B3GNT3: variants seen among roughly 807,000 people sequenced by gnomAD.
The protein encoded by B3GNT3 is N-acetyllactosaminide beta-1,3-N-acetylglucosaminyltransferase 3.
B3GNT3 carries 7 observed loss-of-function variants against 11.6 expected under a neutral mutation model. The ratio of observed to expected loss-of-function variants is 0.60; its 90% CI spans 0.34 to 1.13. The LOEUF is 1.13. B3GNT3 is among the 50% of genes most tolerant of loss of function. B3GNT3 has a pLI of 0.03. For missense variants in B3GNT3, 400 were observed against 507.4 expected (o/e 0.79, Z 2.03); for synonymous variants, 201 against 222.1 (o/e 0.90, Z 0.85).
intron 1 of B3GNT3, among the ~76,000 whole-genome samples, chr19:17,799,781 GGTATC>G (rs58149457): frequency 0.62 from 90,409 of 145,116 alleles, 28,174 homozygotes; most frequent in African/African-American, 0.78. Flanking sequence ...GCTGGTTAGG[GGTATC>G]CAGGCCGGTT....
intron 1 of B3GNT3, among the ~76,000 whole-genome samples, chr19:17,807,074 G>C (rs1050905873): frequency 9.4e-5 from 14 of 149,006 alleles, no homozygotes; most frequent in Non-Finnish European, 1.9e-4. Flanking sequence ...CAGCTAATAT[G>C]CATCAAGCCC....
At chr19:17,799,508 T>G (rs924891584) in intron 1 of B3GNT3, among the ~76,000 whole-genome samples, 2 of 151,910 alleles carry the variant, frequency 1.3e-5, no homozygotes, top group Non-Finnish European at 2.9e-5. Flanking sequence ...GACCTCATGA[T>G]TCGCCCGCCT....
At chr19:17,809,567 C>T (rs1158107806) in intron 2 of B3GNT3, among the ~76,000 whole-genome samples, 2 of 151,770 alleles carry the variant, frequency 1.3e-5, no homozygotes, top group African/African-American at 2.4e-5. Context: ...CTGCCTCAGC[C>T]TCCTGAGTAG....
chr19:17,809,453 A>AT (rs58212084), intron 2 of B3GNT3, among the ~76,000 whole-genome samples: 1,589 of 145,728 alleles, frequency 0.011, 76 homozygotes, highest in Admixed American at 0.082. Context: ...TTTTTAATTA[A>AT]TTTTTTTTTT....
At position 17,807,961 on chromosome 19, in the gene B3GNT3, CCA is replaced by C; in HGVS notation, c.156_157del (p.Pro53HisfsTer49). 6.2e-7 allele frequency: 1 copy of C among 1,611,402 alleles called. No individual in the cohort carries two copies. Among genetic ancestry groups the C allele is most frequent in the Non-Finnish European group, 8.5e-7 (1 of 1,178,662 alleles). On this transcript the variant is annotated frameshift_variant, in exon 2 of 3. Coordinates refer to ENST00000318683, the MANE Select transcript of B3GNT3 (RefSeq NM_014256.4). LOFTEE classifies it high-confidence loss of function. The part of the protein sequence containing the change: ...AIPEALAWPT[P>X]PTRPAPAPCH... ...CCCCGAGGCCCTGGCCTGGCCCACTCCACCCACCCGCCCAGCCCCGGCCCCGT... is the reference window on the plus strand; with the variant it reads ...CCCCGAGGCCCTGGCCTGGCCCACTCCCCACCCGCCCAGCCCCGGCCCCGT...
Position 17,807,967 on chromosome 19 carries a change from A to ACCCCC in B3GNT3, c.163_164insCCCCC (p.Arg55ProfsTer60). On this transcript the variant is annotated frameshift_variant, in exon 2 of 3. Coordinates refer to ENST00000318683, the MANE Select transcript of B3GNT3 (RefSeq NM_014256.4). LOFTEE classifies it high-confidence loss of function. Reference sequence around the variant, plus strand: ...GGCCCTGGCCTGGCCCACTCCACCCACCCGCCCAGCCCCGGCCCCGTGCCA... The same window carrying ACCCCC: ...GGCCCTGGCCTGGCCCACTCCACCCACCCCCCCCGCCCAGCCCCGGCCCCGTGCCA... The ACCCCC allele has an allele frequency of 1.4e-6, 1 of 737,834 alleles. No homozygotes were observed. The highest frequency in any genetic ancestry group is 1.9e-6 in the Non-Finnish European group (1 of 531,310). 45.7% of individuals were successfully genotyped at this position (737,834 alleles called of 1,614,324 possible).
Position 17,807,961 on chromosome 19 carries a change from C to G in B3GNT3, c.154C>G (p.Pro52Ala), listed in dbSNP as rs1415865664. The G allele has an allele frequency of 4.3e-6, 7 of 1,611,404 alleles. No individual in the cohort carries two copies. Among genetic ancestry groups the G allele is most frequent in the Admixed American group, 1.7e-5 (1 of 59,912 alleles). Residue 52 changes from proline to alanine, a missense_variant, in exon 2 of 3, where the codon CCA becomes GCA. Pro to Ala is a conservative substitution (Grantham distance 27, BLOSUM62 -1). Transcript: ENST00000318683. The part of the protein sequence containing the change: ...AIPEALAWPT[P>A]PTRPAPAPCH... ...CCCCGAGGCCCTGGCCTGGCCCACT[C>G]CACCCACCCGCCCAGCCCCGGCCCC...
intron 1 of B3GNT3, among the ~76,000 whole-genome samples, chr19:17,807,529 A>T (rs1159683765): frequency 2.6e-5 from 4 of 151,674 alleles, no homozygotes; most frequent in Non-Finnish European, 5.9e-5. Flanking sequence ...AAACAAAATT[A>T]AAAAATTTAA....
intron 1 of B3GNT3, among the ~76,000 whole-genome samples, chr19:17,804,556 G>A (rs1237468621): frequency 3.5e-4 from 1 of 2,878 alleles, no homozygotes; most frequent in Non-Finnish European, 8.2e-4. Flanking sequence ...TTTTTTTTTT[G>A]AGACATAGTC....
intron 1 of B3GNT3, among the ~76,000 whole-genome samples, chr19:17,800,124 C>T (rs765855382): frequency 6.6e-6 from 1 of 152,100 alleles, no homozygotes; most frequent in Admixed American, 6.6e-5. Flanking sequence ...CCTGTAATCC[C>T]AGCACTTTGG....
At chr19:17,795,383 T>C (rs1599841593) in intron 1 of B3GNT3, among the ~76,000 whole-genome samples, 177 bp downstream of exon 1, 1 of 152,130 alleles carries the variant, frequency 6.6e-6, no homozygotes, top group African/African-American at 2.4e-5. Context: ...CATCCGTAAT[T>C]GTCTCCGGCG....
chr19:17,796,110 G>T (rs2147643366), intron 1 of B3GNT3, among the ~76,000 whole-genome samples: 2 of 152,170 alleles, frequency 1.3e-5, no homozygotes, highest in South Asian at 4.1e-4. Flanking sequence ...TTGTAGAGGT[G>T]GGGGACTCAC....
In B3GNT3 at chr19:17,811,807, T is replaced by C. The variant is rs760584683; in HGVS notation, c.804T>C (p.Cys268=). ...VTQNERYPPY[C]GGGGFLLSRF... is the part of the protein sequence containing the mutation. Reference sequence around the variant, plus strand: ...AGAATGAGCGGTACCCACCCTATTGTGGGGGTGGTGGCTTCTTGCTGTCCC... The same window carrying C: ...AGAATGAGCGGTACCCACCCTATTGCGGGGGTGGTGGCTTCTTGCTGTCCC... Residue 268 remains cysteine (C), a synonymous_variant, in exon 3 of 3, where the codon TGT becomes TGC. Coordinates refer to ENST00000318683, the MANE Select transcript of B3GNT3 (RefSeq NM_014256.4). The surrounding 1 kb of genome is among the most constrained non-coding windows in gnomAD (Gnocchi z 4.1). 1.2e-6 allele frequency: 2 copies of C among 1,614,236 alleles called. No homozygotes were observed. The highest frequency in any genetic ancestry group is 2.2e-5 in the South Asian group (2 of 91,092).
chr19:17,808,532 T>A (rs2094176719), intron 2 of B3GNT3, among the ~76,000 whole-genome samples, 158 bp downstream of exon 2: 1 of 152,142 alleles, frequency 6.6e-6, no homozygotes, highest in Admixed American at 6.5e-5. Flanking sequence ...AGACCCAAAA[T>A]GGTCTTCTTC....
At chr19:17,808,859 T>TA (rs2094177128) in intron 2 of B3GNT3, among the ~76,000 whole-genome samples, 2 of 152,062 alleles carry the variant, frequency 1.3e-5, no homozygotes, top group Admixed American at 6.6e-5. Context: ...TATTTTTTTT[T>TA]AATGGAGTCT....
At chr19:17,809,922 G>T (rs1414097320) in intron 2 of B3GNT3, among the ~76,000 whole-genome samples, 2 of 152,104 alleles carry the variant, frequency 1.3e-5, no homozygotes, top group East Asian at 3.9e-4. Context: ...CCTGCTCATA[G>T]GAGGTACAGA....
At position 17,808,194 on chromosome 19, in the gene B3GNT3, G is replaced by T. The variant is rs757787090; in HGVS notation, c.387G>T (p.Thr129=). The T allele has an allele frequency of 8.7e-6, 14 of 1,611,160 alleles. No individual in the cohort carries two copies. In the South Asian group the frequency reaches 1.4e-4, roughly 16 times the overall value. ...TGCGCCGCGAGCTGCTGCGGCGCAC[G>T]TGGGGCCGCGAGCGCAAGGTACGGG... is the stretch of plus-strand genomic sequence containing the variant. ...NYVRRELLRR[T]WGRERKVRGL... Residue 129 remains threonine (T), a synonymous_variant, in exon 2 of 3, where the codon ACG becomes ACT. Transcript: ENST00000318683.
intron 2 of B3GNT3, among the ~76,000 whole-genome samples, chr19:17,808,866 G>T (rs558943659): frequency 9.2e-5 from 14 of 151,940 alleles, no homozygotes; most frequent in African/African-American, 3.4e-4. Context: ...TTTTAATGGA[G>T]TCTTGCTCTG....
intron 1 of B3GNT3, among the ~76,000 whole-genome samples, chr19:17,797,913 C>T (rs957445791): frequency 2.0e-5 from 3 of 152,198 alleles, no homozygotes; most frequent in African/African-American, 7.2e-5. Flanking sequence ...GAAACCCAAA[C>T]TGGTAAGAAC....
Sources: allele counts gnomAD v4.1 joint callset (sites outside exome capture counted in the v4.1 genomes callset), GRCh38; gene constraint gnomAD v4.1.1; non-coding constraint Gnocchi (gnomAD v3.1); transcripts MANE v1.5; gene names NCBI Gene and HGNC (gene_info 2026-07-23, HGNC 2026-07-21).